Variants in TSHR observed in about 807,000 individuals in gnomAD.
TSHR encodes thyroid stimulating hormone receptor, also known as thyrotropin receptor.
TSHR carries 51 observed loss-of-function variants against 64.1 expected under a neutral mutation model. The ratio of observed to expected loss-of-function variants is 0.80; its 90% confidence interval spans 0.64 to 1.01. The LOEUF is 1.01. Ranked by LOEUF, TSHR falls within the 50% of genes least tolerant of loss-of-function variation. The pLI, the probability that TSHR is intolerant of heterozygous loss-of-function variation, is 0.00. For missense variants in TSHR, 877 were observed against 942.8 expected, an observed-to-expected ratio of 0.93 and a Z score of 0.91; for synonymous variants, 361 against 361.9, an observed-to-expected ratio of 1.00 and a Z score of 0.03.
intron 1 of TSHR, among the ~76,000 whole-genome samples, chr14:80,981,056 T>C (rs1888143536): frequency 6.6e-6 from 1 of 152,232 alleles, no homozygotes; most frequent in African/African-American, 2.4e-5. Flanking sequence ...GGTGTCAGTT[T>C]GAAAACTGTG....
At chr14:81,079,479 A>G (rs571155459) in intron 3 of TSHR, among the ~76,000 whole-genome samples, 9 of 152,330 alleles carry the variant, frequency 5.9e-5, no homozygotes, top group African/African-American at 2.2e-4. Context: ...TCAAAGTGAG[A>G]ATTTGAACCC....
intron 1 of TSHR, among the ~76,000 whole-genome samples, chr14:80,995,952 G>A (rs1012800871): frequency 3.9e-5 from 6 of 152,028 alleles, no homozygotes; most frequent in Admixed American, 3.3e-4. Flanking sequence ...GCAAATTTTT[G>A]ATTATGCCAT....
chr14:81,063,532 T>C (rs1266144785), intron 2 of TSHR, among the ~76,000 whole-genome samples: 1 of 152,168 alleles, frequency 6.6e-6, no homozygotes, highest in Non-Finnish European at 1.5e-5. Flanking sequence ...TAGCATCCTA[T>C]AAGCTAAAAA....
intron 1 of TSHR, among the ~76,000 whole-genome samples, chr14:81,022,688 G>A (rs1184653546): frequency 1.3e-5 from 2 of 152,032 alleles, no homozygotes; most frequent in Admixed American, 1.3e-4. Flanking sequence ...GGGCATGGTG[G>A]CACATACCTG....
At chr14:81,047,901 C>T (rs991894617) in intron 1 of TSHR, among the ~76,000 whole-genome samples, 8 of 152,128 alleles carry the variant, frequency 5.3e-5, no homozygotes, top group Non-Finnish European at 1.2e-4. Flanking sequence ...CCACCTCAGC[C>T]TCCCAAAGTG....
intron 1 of TSHR, chr14:81,001,892 T>A (rs1889343554): frequency 4.8e-6 from 1 of 208,714 alleles, no homozygotes; most frequent in South Asian, 8.2e-5. Context: ...AAGGAACAGA[T>A]GTTCCTTTCA....
chr14:81,107,710 T>C (rs952835815), intron 7 of TSHR, among the ~76,000 whole-genome samples: 10 of 152,182 alleles, frequency 6.6e-5, no homozygotes, highest in African/African-American at 2.2e-4. Context: ...ACACACACTA[T>C]TGGGTTGTCA....
intron 1 of TSHR, among the ~76,000 whole-genome samples, chr14:80,969,667 C>T (rs946432623): frequency 6.6e-6 from 1 of 152,144 alleles, no homozygotes; most frequent in Admixed American, 6.6e-5. Context: ...TCACCATGAC[C>T]ACTTCATTCA....
chr14:81,143,242 A>C lies in TSHR; in HGVS notation c.1184A>C (p.Asp395Ala). The C allele has an allele frequency of 6.2e-7, 1 of 1,614,204 alleles. No homozygotes were observed. Among genetic ancestry groups the C allele is most frequent in the South Asian group, 1.1e-5 (1 of 91,082 alleles). ...TACACCATATGTGGGGACAGTGAAG[A>C]CATGGTGTGTACCCCCAAGTCCGAT... ...YDYTICGDSE[D>A]MVCTPKSDEF... is the part of the protein sequence containing the mutation. The change falls in exon 10 of 10, where the codon GAC (aspartate) becomes GCC (alanine). Residue 395 changes from aspartate (D) to alanine (A), a missense_variant. Asp to Ala is a moderately radical substitution (Grantham distance 126). Transcript: ENST00000298171.
At chr14:81,088,635 G>A (rs1356262299) in intron 4 of TSHR, among the ~76,000 whole-genome samples, 1 of 152,178 alleles carries the variant, frequency 6.6e-6, no homozygotes, top group African/African-American at 2.4e-5. Context: ...TTCAGTGGAT[G>A]TGTCTGTATG....
intron 1 of TSHR, chr14:80,983,262 C>T (rs1401971157): frequency 8.1e-7 from 1 of 1,234,592 alleles, no homozygotes. Context: ...ACCTGGACAG[C>T]AATCTGGATC....
chr14:80,979,419 A>G (rs1310534988), intron 1 of TSHR, among the ~76,000 whole-genome samples: 1 of 152,208 alleles, frequency 6.6e-6, no homozygotes, highest in Non-Finnish European at 1.5e-5. Context: ...ATAAAGTTAC[A>G]GTTAGGTAGG....
intron 1 of TSHR, among the ~76,000 whole-genome samples, chr14:81,047,719 T>G (rs900709522): frequency 2.0e-5 from 3 of 148,884 alleles, no homozygotes; most frequent in African/African-American, 7.4e-5. Context: ...TGGAGTGCAG[T>G]GGCACGATCT....
intron 1 of TSHR, among the ~76,000 whole-genome samples, chr14:81,060,015 T>G (rs1886118052): frequency 6.6e-6 from 1 of 152,142 alleles, no homozygotes; most frequent in African/African-American, 2.4e-5. Context: ...TGCACTTAGA[T>G]GCTATTTCTG....
chr14:80,963,385 C>T (rs1337825683), intron 1 of TSHR, among the ~76,000 whole-genome samples: 1 of 152,206 alleles, frequency 6.6e-6, no homozygotes, highest in African/African-American at 2.4e-5. Context: ...ATGGACCCTC[C>T]TCTTACACCT....
At chr14:81,106,980 C>G (rs1466833123) in intron 7 of TSHR, 1 of 151,434 alleles carries the variant, frequency 6.6e-6, no homozygotes, top group Non-Finnish European at 1.5e-5. Flanking sequence ...TTGAAAGACC[C>G]AAAAATATAT....
At chr14:80,976,256 A>T (rs1887870807) in intron 1 of TSHR, among the ~76,000 whole-genome samples, 1 of 152,086 alleles carries the variant, frequency 6.6e-6, no homozygotes, top group Non-Finnish European at 1.5e-5. Context: ...CCCTTGCAAG[A>T]TACAGATCTG....
At position 81,096,923 on chromosome 14, in the gene TSHR, G is replaced by GGTGT. The variant is rs147149121; in HGVS notation, c.614+243_614+246dup. Among the ~76,000 whole-genome samples, 82,550 of 148,384 alleles carry GGTGT rather than the reference G, an allele frequency of 0.56. 23,462 individuals are homozygous for GGTGT. Among genetic ancestry groups the GGTGT allele is most frequent in the Non-Finnish European group, 0.63 (42,171 of 67,028 alleles). On this transcript the variant is annotated intron_variant, in intron 7 of 9. Coordinates refer to ENST00000298171, the MANE Select transcript of TSHR (RefSeq NM_000369.5). ...GGTAAGTTCCAAAGCTTTTCTCCCT[G>GGTGT]GTGTGTGTGTGTGTGTGTGTGTGTG...
At chr14:81,077,386 T>A (rs1887579525) in intron 3 of TSHR, among the ~76,000 whole-genome samples, 1 of 152,242 alleles carries the variant, frequency 6.6e-6, no homozygotes, top group Non-Finnish European at 1.5e-5. Flanking sequence ...ATTGACAGAA[T>A]GTTTAGTATA....
Sources: gnomAD v4.1 joint callset for allele counts (sites outside exome capture counted in the v4.1 genomes callset) on GRCh38, gnomAD v4.1.1 for gene constraint, MANE v1.5 for transcripts, NCBI Gene and HGNC (gene_info 2026-07-23, HGNC 2026-07-21) for gene names.